The following FGF10 variants were observed in gnomAD, a reference collection of about 807,000 sequenced individuals.
The protein encoded by FGF10 is fibroblast growth factor 10.
FGF10 carries 2 observed loss-of-function variants against 19.8 expected under a neutral mutation model. The observed-to-expected ratio is 0.10, with a 90% CI of 0.04 to 0.32. FGF10 has a LOEUF of 0.32. FGF10 is among the 10% of genes least tolerant of loss of function. The pLI is 1.00. For missense variants in FGF10, 191 were observed against 246.3 expected (o/e 0.78, Z 1.50); for synonymous variants, 112 against 94.0 (o/e 1.19, Z -1.10).
At chr5:44,367,129 A>G (rs1225637966) in intron 1 of FGF10, among the ~76,000 whole-genome samples, 1 of 152,062 alleles carries the variant, frequency 6.6e-6, no homozygotes, top group Non-Finnish European at 1.5e-5. Flanking sequence ...ACTGATAGAA[A>G]ATGAATTCAC....
chr5:44,306,645 G>T (rs950233013), intron 2 of FGF10, among the ~76,000 whole-genome samples: 1 of 152,124 alleles, frequency 6.6e-6, no homozygotes, highest in Non-Finnish European at 1.5e-5. Flanking sequence ...ATATACCTAG[G>T]TGTCTGTAGG....
In FGF10 at chr5:44,377,150, G is replaced by C. The variant is rs545595118; in HGVS notation, c.325+11208C>G. Among the ~76,000 whole-genome samples, 5 of 152,248 alleles carry C rather than the reference G, an allele frequency of 3.3e-5. No individual in the cohort carries two copies. The East Asian group carries it at 9.7e-4, about 29-fold the overall frequency. ...CGTTTAGAATATTCTTCCTTCTCTT[G>C]TTTTATCTCTGTCTAGCTGGAGTCC... On this transcript the variant is annotated intron_variant, in intron 1 of 2. Transcript: ENST00000264664.
rs138552923 is a variant in FGF10 at position 44,321,058 on chromosome 5, C to T, written c.326-10528G>A. On this transcript the variant is annotated intron_variant, in intron 1 of 2. Coordinates refer to ENST00000264664, the MANE Select transcript of FGF10 (RefSeq NM_004465.2). ...AAGCAAACATTGAAGGACACCACTT[C>T]ATCAAATGTGTCTAAACTGAGAGCA... Among the ~76,000 whole-genome samples the T allele has an allele frequency of 2.6e-3, 400 of 152,250 alleles. 9 individuals are homozygous for T. The East Asian group carries it at 0.071, about 27-fold the overall frequency.
intron 1 of FGF10, among the ~76,000 whole-genome samples, chr5:44,326,470 C>T (rs963545503): frequency 6.6e-6 from 1 of 152,088 alleles, no homozygotes; most frequent in Non-Finnish European, 1.5e-5. Context: ...ATGATCATGG[C>T]TCATTACAGC....
chr5:44,301,071 C>T lies in FGF10; in HGVS notation c.*3924G>A, dbSNP rs1160317811. ...ACTTCATTTCTAAGTACTCATAGAA[C>T]TCAGAGTTCCTTTTTCTCCTGAGCA... On this transcript the variant is annotated 3_prime_UTR_variant, in exon 3 of 3. Transcript: ENST00000264664. Among the ~76,000 whole-genome samples, 1 of 152,176 alleles carries T rather than the reference C, an allele frequency of 6.6e-6. No homozygotes were observed. The highest frequency in any genetic ancestry group is 1.9e-4 in the East Asian group (1 of 5,170).
intron 1 of FGF10, among the ~76,000 whole-genome samples, chr5:44,335,099 G>GAACATA (rs1025031762): frequency 6.6e-6 from 1 of 151,974 alleles, no homozygotes; most frequent in African/African-American, 2.4e-5. Context: ...AGCAAGACAG[G>GAACATA]AACATATAAA....
chr5:44,313,344 T>C (rs1178417382), intron 1 of FGF10, among the ~76,000 whole-genome samples: 1 of 152,092 alleles, frequency 6.6e-6, no homozygotes, highest in Non-Finnish European at 1.5e-5. Context: ...AGTTTTTCTG[T>C]TCTTTGGTGA....
chr5:44,347,101 T>C (rs993017760), intron 1 of FGF10, among the ~76,000 whole-genome samples: 1 of 151,748 alleles, frequency 6.6e-6, no homozygotes, highest in African/African-American at 2.4e-5. Flanking sequence ...GCCAAGAACA[T>C]AGTAAATACT....
intron 1 of FGF10, among the ~76,000 whole-genome samples, chr5:44,364,236 G>T (rs779688831): frequency 4.0e-5 from 6 of 151,814 alleles, no homozygotes; most frequent in Non-Finnish European, 8.8e-5. Flanking sequence ...GACGTATTAA[G>T]AAAACGTATT....
intron 1 of FGF10, among the ~76,000 whole-genome samples, chr5:44,330,679 T>C (rs1237456270): frequency 1.3e-5 from 2 of 152,204 alleles, no homozygotes; most frequent in African/African-American, 4.8e-5. Flanking sequence ...GTGTATGTAA[T>C]GAATGCTGAA....
chr5:44,309,429 T>C (rs2111682783), intron 2 of FGF10, among the ~76,000 whole-genome samples: 1 of 152,274 alleles, frequency 6.6e-6, no homozygotes, highest in South Asian at 2.1e-4. Context: ...TGCTTTGCTA[T>C]AGCTGATCCT....
intron 1 of FGF10, among the ~76,000 whole-genome samples, chr5:44,381,532 A>T (rs1741982706): frequency 6.6e-6 from 1 of 152,102 alleles, no homozygotes; most frequent in African/African-American, 2.4e-5. Context: ...AGGGACGATA[A>T]ACTATTAGGG....
chr5:44,325,419 T>G (rs1192144154), intron 1 of FGF10, among the ~76,000 whole-genome samples: 1 of 151,956 alleles, frequency 6.6e-6, no homozygotes, highest in Admixed American at 6.6e-5. Flanking sequence ...CATGCTGCTA[T>G]AAAGACACAT....
At chr5:44,368,520 C>T (rs1433655300) in intron 1 of FGF10, among the ~76,000 whole-genome samples, 4 of 152,062 alleles carry the variant, frequency 2.6e-5, no homozygotes, top group Non-Finnish European at 5.9e-5. Context: ...TTAGTTATGG[C>T]CATTGTCAGT....
At position 44,312,019 on chromosome 5, in the gene FGF10, C is replaced by T. The variant is rs532132614; in HGVS notation, c.326-1489G>A. Among the ~76,000 whole-genome samples, 3 of 152,098 alleles carry T rather than the reference C, an allele frequency of 2.0e-5. No homozygotes were observed. In the East Asian group the frequency reaches 5.8e-4, roughly 29 times the overall value. The stretch of plus-strand genomic sequence containing the variant: ...TTGCCAAGACTACATGTCAGAGACC[C>T]TTCTGTCCATGTATCTGTAGGAAGT... On this transcript the variant is annotated intron_variant, in intron 1 of 2. Transcript: ENST00000264664.
chr5:44,348,035 A>G (rs1031177623), intron 1 of FGF10, among the ~76,000 whole-genome samples: 1 of 151,718 alleles, frequency 6.6e-6, no homozygotes, highest in African/African-American at 2.4e-5. Context: ...TTGCTATAAA[A>G]TGTAAATAGA....
At chr5:44,338,304 C>G (rs571024282) in intron 1 of FGF10, among the ~76,000 whole-genome samples, 1 of 152,144 alleles carries the variant, frequency 6.6e-6, no homozygotes, top group Non-Finnish European at 1.5e-5. Context: ...TCTTTGTACT[C>G]TTCTGTATTT....
At position 44,301,994 on chromosome 5, in the gene FGF10, A is replaced by G. The variant is rs1739974364; in HGVS notation, c.*3001T>C. Among the ~76,000 whole-genome samples, 1 of 152,050 alleles carries G rather than the reference A, an allele frequency of 6.6e-6. No homozygotes were observed. Among genetic ancestry groups the G allele is most frequent in the African/African-American group, 2.4e-5 (1 of 41,404 alleles). On this transcript the variant is annotated 3_prime_UTR_variant, in exon 3 of 3. Coordinates refer to ENST00000264664, the MANE Select transcript of FGF10 (RefSeq NM_004465.2). The stretch of plus-strand genomic sequence containing the variant: ...ATTCTCAGAACCAAAACTCAAATGG[A>G]CACATATTTGTGGCTGATGCACTTT...
At chr5:44,364,391 C>T (rs1478663039) in intron 1 of FGF10, among the ~76,000 whole-genome samples, 1 of 151,742 alleles carries the variant, frequency 6.6e-6, no homozygotes, top group African/African-American at 2.4e-5. Context: ...CAATTATTCT[C>T]CAAATATAGT....
Sources: allele counts gnomAD v4.1 joint callset (sites outside exome capture counted in the v4.1 genomes callset), GRCh38; gene constraint gnomAD v4.1.1; transcripts MANE v1.5; gene names NCBI Gene and HGNC (gene_info 2026-07-23, HGNC 2026-07-21).